Variants in MCHR2 observed in about 807,000 individuals in gnomAD.
MCHR2 encodes melanin concentrating hormone receptor 2, also known as melanin-concentrating hormone receptor 2.
In MCHR2, 15 loss-of-function variants were observed where a neutral mutation model predicts 24.8. The ratio of observed to expected loss-of-function variants is 0.60; its 90% CI spans 0.40 to 0.93. The LOEUF is 0.93. MCHR2 is among the 40% of genes least tolerant of loss of function. The pLI, the probability that MCHR2 is intolerant of heterozygous loss-of-function variation, is 0.00. For synonymous variants in MCHR2, 151 were observed against 147.6 expected (o/e 1.02, Z -0.17); for missense variants, 386 against 408.7 (o/e 0.94, Z 0.48).
intron 4 of MCHR2, among the ~76,000 whole-genome samples, chr6:99,937,132 A>G (rs956477593): frequency 1.3e-5 from 2 of 152,000 alleles, no homozygotes; most frequent in African/African-American, 4.8e-5. Context: ...TTTTCTAAAC[A>G]TAATATCATG....
intron 2 of MCHR2, among the ~76,000 whole-genome samples, chr6:99,955,411 G>C (rs78573748): frequency 8.5e-4 from 129 of 152,202 alleles, no homozygotes; most frequent in Non-Finnish European, 1.6e-3. Context: ...GGTTTATATA[G>C]GCTGGTCTAC....
intron 2 of MCHR2, among the ~76,000 whole-genome samples, chr6:99,948,674 T>A (rs1022413782): frequency 2.6e-5 from 4 of 152,176 alleles, no homozygotes; most frequent in African/African-American, 9.6e-5. Flanking sequence ...TAATTTTTTA[T>A]GCAGCAACAA....
chr6:99,953,341 T>C (rs1230027303), intron 2 of MCHR2, among the ~76,000 whole-genome samples: 1 of 152,114 alleles, frequency 6.6e-6, no homozygotes, highest in African/African-American at 2.4e-5. Flanking sequence ...ACCAAGGCTT[T>C]TGAGTGTAGG....
chr6:99,967,522 C>T (rs1209337463), intron 1 of MCHR2, among the ~76,000 whole-genome samples: 1 of 152,020 alleles, frequency 6.6e-6, no homozygotes, highest in Non-Finnish European at 1.5e-5. Flanking sequence ...TAATTATCTT[C>T]AACTTATTTT....
intron 1 of MCHR2, among the ~76,000 whole-genome samples, chr6:99,982,502 G>T (rs540724598): frequency 2.8e-5 from 4 of 144,490 alleles, no homozygotes; most frequent in Admixed American, 6.9e-5. Flanking sequence ...AGCCAGGTGT[G>T]GTGGCGCACA....
chr6:99,951,848 T>G (rs183656289), intron 2 of MCHR2, among the ~76,000 whole-genome samples: 2,919 of 152,214 alleles, frequency 0.019, 60 homozygotes, highest in African/African-American at 0.046. Flanking sequence ...ATTGTCCATC[T>G]CGTAACCTCT....
chr6:99,984,159 T>C (rs1354399987), intron 1 of MCHR2, among the ~76,000 whole-genome samples: 8 of 152,174 alleles, frequency 5.3e-5, no homozygotes, highest in African/African-American at 1.9e-4. Context: ...TACACATATA[T>C]ACATACATAT....
intron 5 of MCHR2, among the ~76,000 whole-genome samples, chr6:99,932,375 T>C (rs1774565137): frequency 6.6e-6 from 1 of 152,214 alleles, no homozygotes; most frequent in African/African-American, 2.4e-5. Flanking sequence ...ATAGGGATTG[T>C]TACATAGATA....
At chr6:99,984,722 T>C (rs754046800) in intron 1 of MCHR2, among the ~76,000 whole-genome samples, 1 of 152,026 alleles carries the variant, frequency 6.6e-6, no homozygotes, top group Non-Finnish European at 1.5e-5. Flanking sequence ...GCCAACATCA[T>C]AGTGAATGTG....
Position 99,971,864 on chromosome 6 carries a change from T to C in MCHR2, c.-27-15690A>G, listed in dbSNP as rs1431277545. Among the ~76,000 whole-genome samples the C allele has an allele frequency of 2.0e-5, 3 of 152,230 alleles. No individual in the cohort carries two copies. In the East Asian group the frequency reaches 5.8e-4, roughly 29 times the overall value. ...TTCTGTTTATATGCTGGATTACATT[T>C]ATTGATTTATGTATGTTGAACCAGC... On this transcript the variant is annotated intron_variant, in intron 1 of 5. Coordinates refer to ENST00000281806, the MANE Select transcript of MCHR2 (RefSeq NM_001040179.2).
intron 1 of MCHR2, among the ~76,000 whole-genome samples, chr6:99,987,617 G>A (rs1775793393): frequency 6.6e-6 from 1 of 152,090 alleles, no homozygotes; most frequent in East Asian, 1.9e-4. Flanking sequence ...ACTACATTAT[G>A]CTTCTTCTGA....
chr6:99,979,055 G>T (rs919008115), intron 1 of MCHR2, among the ~76,000 whole-genome samples: 8 of 152,298 alleles, frequency 5.3e-5, no homozygotes, highest in African/African-American at 1.9e-4. Context: ...AGGGAGGTGG[G>T]TTGGATGGGG....
At chr6:99,943,827 T>C (rs541006461) in intron 3 of MCHR2, among the ~76,000 whole-genome samples, 13 of 152,160 alleles carry the variant, frequency 8.5e-5, no homozygotes, top group Non-Finnish European at 1.9e-4. Flanking sequence ...GCTTTTCCTA[T>C]AAACGAAACT....
At chr6:99,971,839 T>C (rs1179694839) in intron 1 of MCHR2, among the ~76,000 whole-genome samples, 1 of 152,188 alleles carries the variant, frequency 6.6e-6, no homozygotes, top group Non-Finnish European at 1.5e-5. Flanking sequence ...TTGTCTTTGG[T>C]TCTGTTTATA....
At chr6:99,956,320 C>T in intron 1 of MCHR2, 146 bp from the exon 2 acceptor site, 2 of 578,502 alleles carry the variant, frequency 3.5e-6, no homozygotes, top group African/African-American at 1.9e-5. Flanking sequence ...ATGATTGGTC[C>T]CTGTTCATAG....
At chr6:99,959,481 C>T (rs574810176) in intron 1 of MCHR2, among the ~76,000 whole-genome samples, 35 of 151,090 alleles carry the variant, frequency 2.3e-4, no homozygotes, top group Non-Finnish European at 3.8e-4. Context: ...AACAAAGAAG[C>T]AGAGAAAAAT....
At chr6:99,937,632 A>G (rs921203899) in intron 4 of MCHR2, among the ~76,000 whole-genome samples, 27 of 151,772 alleles carry the variant, frequency 1.8e-4, no homozygotes, top group Non-Finnish European at 3.5e-4. Flanking sequence ...GGATTTTTGC[A>G]TCTATGCTCA....
At chr6:99,956,213 C>T in intron 1 of MCHR2, 39 bp from the exon 2 acceptor site, 1 of 1,341,578 alleles carries the variant, frequency 7.5e-7, no homozygotes, top group East Asian at 2.4e-5. Flanking sequence ...AGTGAACATT[C>T]CCTCAATATA....
Position 99,976,660 on chromosome 6 carries a change from TCA to T in MCHR2, c.-28+17274_-28+17275del, listed in dbSNP as rs1313678008. On this transcript the variant is annotated intron_variant, in intron 1 of 5. Coordinates refer to ENST00000281806, the MANE Select transcript of MCHR2 (RefSeq NM_001040179.2). ...TTTTTTACAGTGCTCCCCAGCTACC[TCA>T]TGTTTGCCAATGCACCCACCTGGAC... 1.4e-3 allele frequency among the ~76,000 whole-genome samples: 13 copies of T among 9,118 alleles called. 1 individual carries two copies. The highest frequency in any genetic ancestry group is 2.2e-3 in the African/African-American group (11 of 5,002). The allele number at this position is 9,118 out of a possible 152,430, so 6.0% of individuals were successfully genotyped here. A position where few individuals can be genotyped will look rare whatever the true frequency, so the allele number is the denominator to read the frequency against.
Sources: gnomAD v4.1 joint callset for allele counts (sites outside exome capture counted in the v4.1 genomes callset) on GRCh38, gnomAD v4.1.1 for gene constraint, MANE v1.5 for transcripts, NCBI Gene and HGNC (gene_info 2026-07-23, HGNC 2026-07-21) for gene names.